Variants in ODAD2 observed in about 807,000 individuals in gnomAD.
The protein encoded by ODAD2 is outer dynein arm docking complex subunit 2.
Under a neutral mutation model 106.8 loss-of-function variants are expected in ODAD2, and 89 were observed. The ratio of observed to expected loss-of-function variants is 0.83; its 90% CI spans 0.70 to 0.99. The LOEUF (loss-of-function observed/expected upper bound fraction) is 0.99. Among genes scored for constraint, ODAD2 ranks in the 50% least tolerant of loss-of-function variants. The pLI, the probability that ODAD2 is intolerant of heterozygous loss-of-function variation, is 0.00. For synonymous variants in ODAD2, 404 were observed against 436.2 expected (o/e 0.93, Z 0.92); for missense variants, 1,168 against 1,238.5 (o/e 0.94, Z 0.85).
At chr10:27,907,865 C>T in intron 16 of ODAD2, 88 bp from the exon 17 acceptor site, 1 of 915,546 alleles carries the variant, frequency 1.1e-6, no homozygotes, top group South Asian at 1.7e-5. Context: ...ATTATTTTTT[C>T]TCCTTTTGAT....
intron 14 of ODAD2, 41 bp downstream of exon 14, chr10:27,939,856 T>C (rs1176035861): frequency 6.1e-6 from 8 of 1,311,032 alleles, no homozygotes; most frequent in Non-Finnish European, 8.5e-6. Flanking sequence ...TTAAACTATG[T>C]GAGAAAGAAC....
At chr10:27,992,839 T>C (rs1481895097) in intron 2 of ODAD2, among the ~76,000 whole-genome samples, 1 of 152,242 alleles carries the variant, frequency 6.6e-6, no homozygotes, top group Non-Finnish European at 1.5e-5. Context: ...ACGTTTGTGC[T>C]TGGAGCACAA....
At chr10:27,813,906 A>T (rs569740572) in intron 19 of ODAD2, among the ~76,000 whole-genome samples, 68 of 152,364 alleles carry the variant, frequency 4.5e-4, no homozygotes, top group African/African-American at 1.5e-3. Context: ...AACAAATTCA[A>T]GCGATATTTG....
intron 2 of ODAD2, among the ~76,000 whole-genome samples, chr10:27,988,213 T>C (rs985373930): frequency 2.6e-5 from 4 of 152,086 alleles, no homozygotes; most frequent in Admixed American, 6.6e-5. Flanking sequence ...AATATTAAGA[T>C]GTTTTCATGG....
chr10:27,884,002 C>T (rs74127138), intron 17 of ODAD2, among the ~76,000 whole-genome samples: 6,415 of 151,322 alleles, frequency 0.042, 431 homozygotes, highest in African/African-American at 0.15. Context: ...GAGAAAGAGG[C>T]AGAAAGGATA....
intron 9 of ODAD2, among the ~76,000 whole-genome samples, chr10:27,963,253 C>T (rs1473954671): frequency 2.0e-5 from 3 of 152,076 alleles, no homozygotes; most frequent in Admixed American, 6.6e-5. Context: ...GTGATCCTCC[C>T]GTCTCGGCCT....
chr10:27,915,099 C>A lies in ODAD2; in HGVS notation c.2496-7322G>T, dbSNP rs116922701. ...CCATAGGTCCAAGAAGCTCAGCGAA[C>A]CCTAAATAAAAGTAAAAGCCACAAT... On this transcript the variant is annotated intron_variant, in intron 16 of 19. Transcript: ENST00000305242. Among the ~76,000 whole-genome samples, 120 of 152,102 alleles carry A rather than the reference C, an allele frequency of 7.9e-4. 2 individuals are homozygous for A. In the East Asian group the frequency reaches 0.021, roughly 26 times the overall value.
In ODAD2 at chr10:27,982,088, C is replaced by G. The variant is rs1184014454; in HGVS notation, c.820-506G>C. ...ACGATCTGTCCACACACCCATGTGT[C>G]TCTCTCTCTCTTCTTGTCTCTTTCC... On this transcript the variant is annotated intron_variant, in intron 6 of 19. Coordinates refer to ENST00000305242, the MANE Select transcript of ODAD2 (RefSeq NM_018076.5). Among the ~76,000 whole-genome samples the G allele has an allele frequency of 9.9e-5, 15 of 152,090 alleles. No homozygotes were observed. The East Asian group carries it at 2.3e-3, about 23-fold the overall frequency.
intron 16 of ODAD2, among the ~76,000 whole-genome samples, chr10:27,932,998 G>C (rs1227962590): frequency 2.0e-5 from 3 of 152,148 alleles, no homozygotes; most frequent in Admixed American, 2.0e-4. Context: ...GCTCACACCT[G>C]TAATCTCAGT....
chr10:27,812,384 T>C lies in ODAD2; in HGVS notation c.*128A>G. Reference sequence around the variant, plus strand: ...AAAAACATTCTGTGCATTTTCAATTTGTGTGTTTTCATTTAGATGGTTGAA... The same window carrying C: ...AAAAACATTCTGTGCATTTTCAATTCGTGTGTTTTCATTTAGATGGTTGAA... On this transcript the variant is annotated 3_prime_UTR_variant, in exon 20 of 20. Coordinates refer to ENST00000305242, the MANE Select transcript of ODAD2 (RefSeq NM_018076.5). The C allele has an allele frequency of 1.3e-6, 1 of 777,094 alleles. No individual in the cohort carries two copies. The highest frequency in any genetic ancestry group is 3.5e-5 in the Admixed American group (1 of 28,850). 48.1% of individuals were successfully genotyped at this position (777,094 alleles called of 1,614,324 possible). A position where few individuals can be genotyped will look rare whatever the true frequency, so the allele number is the denominator to read the frequency against.
At chr10:27,958,950 C>G (rs1339403850) in intron 10 of ODAD2, 1 of 1,303,604 alleles carries the variant, frequency 7.7e-7, no homozygotes, top group Non-Finnish European at 1.0e-6. Flanking sequence ...TTTGTTTCTG[C>G]CATTTTGACT....
intron 16 of ODAD2, 79 bp downstream of exon 16, chr10:27,934,931 G>A (rs1460408994): frequency 2.7e-6 from 4 of 1,500,532 alleles, no homozygotes; most frequent in Non-Finnish European, 3.7e-6. Context: ...TCAATTCTAA[G>A]TGATGACACT....
intron 2 of ODAD2, among the ~76,000 whole-genome samples, chr10:27,993,138 C>G (rs1230317489): frequency 6.6e-6 from 1 of 152,054 alleles, no homozygotes; most frequent in Non-Finnish European, 1.5e-5. Context: ...TGGTCTTGAA[C>G]TCCTGATCTC....
At chr10:27,918,029 C>G (rs565319000) in intron 16 of ODAD2, among the ~76,000 whole-genome samples, 2 of 151,486 alleles carry the variant, frequency 1.3e-5, no homozygotes, top group Non-Finnish European at 3.0e-5. Flanking sequence ...ATTTTAAAAA[C>G]CAATTAAAAA....
chr10:27,973,590 G>A (rs2133015656), intron 7 of ODAD2, among the ~76,000 whole-genome samples: 1 of 152,108 alleles, frequency 6.6e-6, no homozygotes, highest in East Asian at 1.9e-4. Context: ...GGGGTAATAT[G>A]TTTTCTTCTT....
chr10:27,821,330 T>C lies in ODAD2; in HGVS notation c.3022-8705A>G, dbSNP rs543057415. On this transcript the variant is annotated intron_variant, in intron 19 of 19. Coordinates refer to ENST00000305242, the MANE Select transcript of ODAD2 (RefSeq NM_018076.5). ...CAATAACTGTTACTCATTGCTTTGT[T>C]ATACACCCAGAGGGGCTAGGCATCT... is the stretch of plus-strand genomic sequence containing the variant. Among the ~76,000 whole-genome samples, 4 of 152,342 alleles carry C rather than the reference T, an allele frequency of 2.6e-5. No homozygotes were observed. The East Asian group carries it at 7.7e-4, about 29-fold the overall frequency.
intron 1 of ODAD2, among the ~76,000 whole-genome samples, chr10:27,997,256 G>T (rs557623486): frequency 6.6e-6 from 1 of 152,296 alleles, no homozygotes; most frequent in East Asian, 1.9e-4. Flanking sequence ...GTGTATGTGT[G>T]AGACTCTTGA....
chr10:27,855,986 T>C (rs1839626584), intron 19 of ODAD2, among the ~76,000 whole-genome samples: 1 of 152,198 alleles, frequency 6.6e-6, no homozygotes, highest in African/African-American at 2.4e-5. Context: ...GTCTTCTAGT[T>C]GATCACTTTT....
intron 17 of ODAD2, among the ~76,000 whole-genome samples, chr10:27,878,837 T>G (rs925041936): frequency 6.6e-6 from 1 of 152,168 alleles, no homozygotes; most frequent in African/African-American, 2.4e-5. Context: ...CTGTTCCCAG[T>G]TGTTAACAAA....
Sources: allele counts gnomAD v4.1 joint callset (sites outside exome capture counted in the v4.1 genomes callset), GRCh38; gene constraint gnomAD v4.1.1; transcripts MANE v1.5; gene names NCBI Gene and HGNC (gene_info 2026-07-23, HGNC 2026-07-21).